Variants in BOK observed in about 807,000 individuals in gnomAD.
The protein encoded by BOK is bcl-2-related ovarian killer protein.
A neutral mutation model predicts 18.3 loss-of-function variants in BOK; 20 were observed. The ratio of observed to expected loss-of-function variants is 1.09; its 90% CI spans 0.77 to 1.59. The LOEUF is 1.59. BOK is among the 40% of genes most tolerant of loss of function. The pLI is 0.00. For synonymous variants in BOK, 173 were observed against 142.4 expected, an observed-to-expected ratio of 1.21 and a Z score of -1.53; for missense variants, 348 against 307.9, an observed-to-expected ratio of 1.13 and a Z score of -0.97.
chr2:241,559,412 C>T (rs2066489473), intron 1 of BOK, 43 bp from the exon 2 acceptor site: 2 of 1,246,094 alleles, frequency 1.6e-6, no homozygotes, highest in African/African-American at 3.2e-5. Flanking sequence ...GCCCCGTTCC[C>T]CGCGCCGCCT....
upstream of BOK, among the ~76,000 whole-genome samples, chr2:241,554,193 G>T (rs2066434705): frequency 6.6e-6 from 1 of 152,210 alleles, no homozygotes; most frequent in Non-Finnish European, 1.5e-5. Context: ...TGCCGTCAGG[G>T]GCTGGCTCTG....
intron 3 of BOK, among the ~76,000 whole-genome samples, chr2:241,564,776 G>A (rs897655092): frequency 1.1e-4 from 17 of 152,216 alleles, no homozygotes; most frequent in African/African-American, 4.1e-4. Context: ...CGACGCCGGC[G>A]CGTGGGTGGC....
rs776428661 is a variant in BOK at position 241,570,167 on chromosome 2, C to G, written c.392C>G (p.Ala131Gly). Residue 131 changes from alanine to glycine, a missense_variant, in exon 4 of 5, where the codon GCG (alanine) becomes GGG (glycine). Physicochemically the swap from Ala to Gly is moderately conservative, Grantham distance 60. Transcript: ENST00000318407. ...GTGGTGTCCCTGTATGCGGTGGCCG[C>G]GGGGCTGGCCGTGGACTGTGTGAGG... ...GKVVSLYAVA[A>G]GLAVDCVRQA... 8.7e-6 allele frequency: 14 copies of G among 1,610,900 alleles called. No individual in the cohort carries two copies. In the East Asian group the frequency reaches 2.9e-4, roughly 33 times the overall value.
In BOK at chr2:241,559,743, C is replaced by G. The variant is rs922315935; in HGVS notation, c.220+40C>G. ...GTGGGATCCCCAGCTGCGCCTCCTC[C>G]CCTGCTGGGCCGCAGCCTCCCTCCG... On this transcript the variant is annotated intron_variant, in intron 2 of 4. Coordinates refer to ENST00000318407, the MANE Select transcript of BOK (RefSeq NM_032515.5). 4.7e-6 allele frequency: 6 copies of G among 1,280,860 alleles called. No individual in the cohort carries two copies. In the African/African-American group the frequency reaches 7.8e-5, roughly 17 times the overall value. The allele number at this position is 1,280,860 out of a possible 1,614,324, so 79.3% of individuals were successfully genotyped here. A position where few individuals can be genotyped will look rare whatever the true frequency, so the allele number is the denominator to read the frequency against.
At chr2:241,563,101 C>T (rs1423108417) in intron 3 of BOK, among the ~76,000 whole-genome samples, 5 of 152,160 alleles carry the variant, frequency 3.3e-5, no homozygotes, top group South Asian at 2.1e-4. Flanking sequence ...TCACCTGTGA[C>T]CCTCCTGTGC....
At chr2:241,559,753 C>T in intron 2 of BOK, 50 bp downstream of exon 2, 1 of 1,276,456 alleles carries the variant, frequency 7.8e-7, no homozygotes, top group Non-Finnish European at 9.9e-7. Flanking sequence ...CCCTGCTGGG[C>T]CGCAGCCTCC....
intron 1 of BOK, among the ~76,000 whole-genome samples, chr2:241,552,454 C>T (rs2066421361): frequency 6.6e-6 from 1 of 152,162 alleles, no homozygotes; most frequent in Admixed American, 6.5e-5. Flanking sequence ...TCATACCATC[C>T]ACGCCCCTGC....
upstream of BOK, among the ~76,000 whole-genome samples, chr2:241,553,817 C>A (rs1312723078): frequency 6.6e-6 from 1 of 152,172 alleles, no homozygotes; most frequent in Non-Finnish European, 1.5e-5. Context: ...TCTAGCGTTG[C>A]CAAGGGCAAC....
intron 3 of BOK, among the ~76,000 whole-genome samples, chr2:241,569,746 C>A (rs1044048203): frequency 6.6e-6 from 1 of 152,186 alleles, no homozygotes. Context: ...AGTTTCTCTG[C>A]GGGCCTCAGC....
intron 1 of BOK, among the ~76,000 whole-genome samples, chr2:241,552,131 C>CA (rs1328839353): frequency 6.6e-6 from 1 of 152,158 alleles, no homozygotes; most frequent in Non-Finnish European, 1.5e-5. Flanking sequence ...AGCAGCCAGG[C>CA]AGCTGCTACC....
At position 241,572,548 on chromosome 2, in the gene BOK, A is replaced by G. The variant is rs1248583784; in HGVS notation, c.*126A>G. 7.1e-7 allele frequency: 1 copy of G among 1,401,588 alleles called. No homozygotes were observed. Among genetic ancestry groups the G allele is most frequent in the Non-Finnish European group, 9.5e-7 (1 of 1,049,156 alleles). The allele number at this position is 1,401,588 out of a possible 1,614,324, so 86.8% of individuals were successfully genotyped here. A position where few individuals can be genotyped will look rare whatever the true frequency, so the allele number is the denominator to read the frequency against. ...CACTCTAACCCTCGGAGACCCCCTA[A>G]GCCCCGTTCCTCCGCAGACCCAGGC... On this transcript the variant is annotated 3_prime_UTR_variant, in exon 5 of 5. Coordinates refer to ENST00000318407, the MANE Select transcript of BOK (RefSeq NM_032515.5).
chr2:241,570,217 G>A lies in BOK; in HGVS notation c.442G>A (p.Ala148Thr), dbSNP rs755371135. The stretch of plus-strand genomic sequence containing the variant: ...GCAGGCCCAGCCTGCCATGGTCCAC[G>A]CCCTCGTGGACTGCCTGGGGGAGTT... Reference protein sequence around the residue: ...VRQAQPAMVHALVDCLGEFVR... With the variant: ...VRQAQPAMVHTLVDCLGEFVR... Residue 148 changes from alanine to threonine, a missense_variant, in exon 4 of 5, where the codon GCC (alanine) becomes ACC (threonine). Ala to Thr is a moderately conservative substitution (Grantham distance 58, BLOSUM62 0). Transcript: ENST00000318407. 82 of 1,603,012 alleles carry A rather than the reference G, an allele frequency of 5.1e-5. No individual in the cohort carries two copies. The highest frequency in any genetic ancestry group is 1.1e-4 in the East Asian group (5 of 44,530).
upstream of BOK, among the ~76,000 whole-genome samples, chr2:241,558,538 T>C (rs1019797970): frequency 3.3e-5 from 5 of 152,262 alleles, no homozygotes; most frequent in African/African-American, 9.6e-5. Flanking sequence ...AATTTTCAAA[T>C]GGACCCCGGG....
At position 241,573,402 on chromosome 2, in the gene BOK, T is replaced by A. The variant is rs546847828; in HGVS notation, c.*980T>A. 6.6e-6 allele frequency: 1 copy of A among 152,338 alleles called. No individual in the cohort carries two copies. Among genetic ancestry groups the A allele is most frequent in the African/African-American group, 2.4e-5 (1 of 41,454 alleles). 9.4% of individuals were successfully genotyped at this position (152,338 alleles called of 1,614,324 possible). A position where few individuals can be genotyped will look rare whatever the true frequency, so the allele number is the denominator to read the frequency against. On this transcript the variant is annotated 3_prime_UTR_variant, in exon 5 of 5. Transcript: ENST00000318407. Reference sequence around the variant, plus strand: ...TCCCATCCCAGGAAGAAGGGCCATCTCAGGACATGAGTCCTCAGGGGCCCT... The same window carrying A: ...TCCCATCCCAGGAAGAAGGGCCATCACAGGACATGAGTCCTCAGGGGCCCT...
chr2:241,553,678 C>A (rs192732453), intron 1 of BOK, among the ~76,000 whole-genome samples: 1 of 152,178 alleles, frequency 6.6e-6, no homozygotes, highest in East Asian at 1.9e-4. Context: ...ACGAGCACTG[C>A]AAATCAGCCC....
At position 241,559,654 on chromosome 2, in the gene BOK, G is replaced by A. The variant is rs756477312; in HGVS notation, c.171G>A (p.Ala57=). The A allele has an allele frequency of 7.2e-7, 1 of 1,391,022 alleles. No individual in the cohort carries two copies. The highest frequency in any genetic ancestry group is 1.6e-5 in the South Asian group (1 of 61,628). The allele number at this position is 1,391,022 out of a possible 1,614,324, so 86.2% of individuals were successfully genotyped here. A position where few individuals can be genotyped will look rare whatever the true frequency, so the allele number is the denominator to read the frequency against. Residue 57 remains alanine, a synonymous_variant, in exon 2 of 5, where the codon GCG becomes GCA. Coordinates refer to ENST00000318407, the MANE Select transcript of BOK (RefSeq NM_032515.5). ...CCTGGAGCGCGCCCGAGCGTGCCGCGCCGGTCCCGGGACGCCTGGCTGAGG... is the reference window on the plus strand; with the variant it reads ...CCTGGAGCGCGCCCGAGCGTGCCGCACCGGTCCCGGGACGCCTGGCTGAGG... The part of the protein sequence containing the change: ...GLSWSAPERA[A]PVPGRLAEVC...
intron 3 of BOK, among the ~76,000 whole-genome samples, chr2:241,564,113 T>C (rs1488334796): frequency 6.6e-6 from 1 of 152,214 alleles, no homozygotes; most frequent in Non-Finnish European, 1.5e-5. Context: ...TGGACAGAAG[T>C]TACTGTGGCT....
intron 3 of BOK, among the ~76,000 whole-genome samples, chr2:241,564,457 G>A (rs914838918): frequency 6.6e-6 from 1 of 152,026 alleles, no homozygotes. Context: ...GGCAGCTGAG[G>A]GTGGGGGGCC....
At chr2:241,567,563 G>A (rs2066635124) in intron 3 of BOK, among the ~76,000 whole-genome samples, 1 of 135,138 alleles carries the variant, frequency 7.4e-6, no homozygotes. Flanking sequence ...CTGGGGAAGT[G>A]CAGCGGGTAG....
Sources: allele counts gnomAD v4.1 joint callset (sites outside exome capture counted in the v4.1 genomes callset), GRCh38; gene constraint gnomAD v4.1.1; transcripts MANE v1.5; gene names NCBI Gene and HGNC (gene_info 2026-07-23, HGNC 2026-07-21).